The following PPP3CC variants were observed in gnomAD, a reference collection of about 807,000 sequenced individuals.
PPP3CC encodes the protein protein phosphatase 3 catalytic subunit gamma.
PPP3CC carries 35 observed loss-of-function variants against 60.3 expected under a neutral mutation model. The observed-to-expected ratio is 0.58, with a 90% CI of 0.44 to 0.77. PPP3CC has a LOEUF of 0.77. PPP3CC is among the 30% of genes least tolerant of loss of function. The pLI is 0.00. For synonymous variants in PPP3CC, 206 were observed against 224.3 expected, an observed-to-expected ratio of 0.92 and a Z score of 0.73; for missense variants, 570 against 628.9, an observed-to-expected ratio of 0.91 and a Z score of 1.00.
chr8:22,539,447 T>C (rs772257783), intron 12 of PPP3CC, 22 bp from the exon 13 acceptor site: 2 of 1,613,682 alleles, frequency 1.2e-6, no homozygotes, highest in Non-Finnish European at 1.7e-6. Flanking sequence ...TTTTGCATGC[T>C]ACTGCTCCTG....
intron 8 of PPP3CC, among the ~76,000 whole-genome samples, chr8:22,525,538 C>CTT (rs1427542363): frequency 1.2e-3 from 65 of 54,936 alleles, no homozygotes; most frequent in South Asian, 5.6e-3. Context: ...TTCTTTCTTT[C>CTT]TCTCCCTCTC....
intron 2 of PPP3CC, 38 bp from the exon 3 acceptor site, chr8:22,475,462 G>C: frequency 6.3e-7 from 1 of 1,585,164 alleles, no homozygotes; most frequent in South Asian, 1.1e-5. Flanking sequence ...GTCTTCTAAG[G>C]TATAATTTCT....
intron 3 of PPP3CC, among the ~76,000 whole-genome samples, chr8:22,496,574 T>C (rs527633985): frequency 1.4e-5 from 2 of 138,944 alleles, no homozygotes; most frequent in Non-Finnish European, 3.1e-5. Context: ...CTTGGCTCAC[T>C]GCAACCTCTG....
intron 1 of PPP3CC, among the ~76,000 whole-genome samples, chr8:22,471,513 A>G (rs1057145561): frequency 1.3e-5 from 2 of 152,194 alleles, no homozygotes; most frequent in South Asian, 2.1e-4. Context: ...GATATAGCCT[A>G]TTACTTCTAG....
intron 3 of PPP3CC, among the ~76,000 whole-genome samples, chr8:22,481,749 T>C (rs1052664821): frequency 3.9e-5 from 6 of 152,054 alleles, no homozygotes; most frequent in Middle Eastern, 3.2e-3. Flanking sequence ...TGTGTTCTCA[T>C]TGTTCAACTC....
intron 1 of PPP3CC, among the ~76,000 whole-genome samples, chr8:22,464,499 C>T (rs576671548): frequency 6.6e-6 from 1 of 152,248 alleles, no homozygotes; most frequent in South Asian, 2.1e-4. Context: ...CCTGCCTCAG[C>T]CTCCTGAGCA....
At chr8:22,522,191 C>T (rs1839426055) in intron 6 of PPP3CC, among the ~76,000 whole-genome samples, 1 of 151,646 alleles carries the variant, frequency 6.6e-6, no homozygotes, top group African/African-American at 2.4e-5. Context: ...TATCAAGACA[C>T]TGATAAAAGT....
In PPP3CC at chr8:22,446,611, G is replaced by A. The variant is rs185183697; in HGVS notation, c.49+5153G>A. Among the ~76,000 whole-genome samples, 1,170 of 152,010 alleles carry A rather than the reference G, an allele frequency of 7.7e-3. 14 individuals carry two copies. Among genetic ancestry groups the A allele is most frequent in the African/African-American group, 0.025 (1,047 of 41,462 alleles). On this transcript the variant is annotated intron_variant, in intron 1 of 13. Transcript: ENST00000240139. ...AGCCGAGGTGGGTGGATCACCTGAGGTCCGGCCAACGTGGCGAAACCCAGT... is the reference window on the plus strand; with the variant it reads ...AGCCGAGGTGGGTGGATCACCTGAGATCCGGCCAACGTGGCGAAACCCAGT...
At chr8:22,468,876 A>G (rs948292443) in intron 1 of PPP3CC, among the ~76,000 whole-genome samples, 4 of 152,122 alleles carry the variant, frequency 2.6e-5, no homozygotes, top group African/African-American at 7.2e-5. Flanking sequence ...GGTGGAATCT[A>G]TTTCCACTCT....
intron 3 of PPP3CC, among the ~76,000 whole-genome samples, chr8:22,479,729 G>A (rs1391983634): frequency 1.2e-4 from 16 of 136,244 alleles, no homozygotes; most frequent in African/African-American, 4.1e-4. Flanking sequence ...GGGTGACTTA[G>A]CAAGACTCTG....
At chr8:22,526,204 C>T (rs1013788762) in intron 8 of PPP3CC, among the ~76,000 whole-genome samples, 2 of 152,138 alleles carry the variant, frequency 1.3e-5, no homozygotes, top group African/African-American at 2.4e-5. Context: ...ACTAGTTACA[C>T]GAAAGACCTT....
chr8:22,538,514 T>C (rs1281627962), intron 12 of PPP3CC, among the ~76,000 whole-genome samples: 1 of 152,252 alleles, frequency 6.6e-6, no homozygotes, highest in African/African-American at 2.4e-5. Flanking sequence ...CATATTGATA[T>C]ATAAAGCCTT....
In PPP3CC at chr8:22,477,336, G is replaced by T. The variant is rs1473684322; in HGVS notation, c.372+1712G>T. Among the ~76,000 whole-genome samples, 6 of 152,054 alleles carry T rather than the reference G, an allele frequency of 3.9e-5. No individual in the cohort carries two copies. The East Asian group carries it at 9.6e-4, about 24-fold the overall frequency. Reference sequence around the variant, plus strand: ...TACTAAAAATACGAAAGTTTACCAGGCATGGTGGTGGGCGCCTGTAATCCC... The same window carrying T: ...TACTAAAAATACGAAAGTTTACCAGTCATGGTGGTGGGCGCCTGTAATCCC... On this transcript the variant is annotated intron_variant, in intron 3 of 13. Coordinates refer to ENST00000240139, the MANE Select transcript of PPP3CC (RefSeq NM_005605.5).
At chr8:22,538,538 A>C (rs1353791444) in intron 12 of PPP3CC, among the ~76,000 whole-genome samples, 1 of 152,206 alleles carries the variant, frequency 6.6e-6, no homozygotes, top group African/African-American at 2.4e-5. Flanking sequence ...AATAGCAGCA[A>C]ACTGTTACTG....
At chr8:22,480,251 TGA>T (rs1838021132) in intron 3 of PPP3CC, among the ~76,000 whole-genome samples, 1 of 152,218 alleles carries the variant, frequency 6.6e-6, no homozygotes, top group Non-Finnish European at 1.5e-5. Context: ...GAATTAAGAC[TGA>T]GTTATGAGTT....
chr8:22,449,474 G>GAAAAAAAAAAA (rs1554526851), intron 1 of PPP3CC, among the ~76,000 whole-genome samples: 1 of 132,718 alleles, frequency 7.5e-6, no homozygotes, highest in Non-Finnish European at 1.6e-5. Context: ...AAAAAAAAAG[G>GAAAAAAAAAAA]AAATGCCTCA....
intron 3 of PPP3CC, among the ~76,000 whole-genome samples, chr8:22,495,794 G>C (rs957321787): frequency 2.0e-5 from 3 of 152,046 alleles, no homozygotes; most frequent in African/African-American, 7.2e-5. Context: ...CCTGACTTCA[G>C]GTGATCTGCC....
At chr8:22,464,716 A>T (rs1048798185) in intron 1 of PPP3CC, among the ~76,000 whole-genome samples, 1 of 152,122 alleles carries the variant, frequency 6.6e-6, no homozygotes, top group Admixed American at 6.6e-5. Context: ...TGATGATTCC[A>T]AGAGCCTTTT....
intron 1 of PPP3CC, among the ~76,000 whole-genome samples, chr8:22,463,839 T>A (rs903744948): frequency 6.6e-6 from 1 of 151,264 alleles, no homozygotes; most frequent in East Asian, 1.9e-4. Flanking sequence ...CAGGCTGGAG[T>A]GCAATGGCAT....
Sources: allele counts gnomAD v4.1 joint callset (sites outside exome capture counted in the v4.1 genomes callset), GRCh38; gene constraint gnomAD v4.1.1; transcripts MANE v1.5; gene names NCBI Gene and HGNC (gene_info 2026-07-23, HGNC 2026-07-21).